PLEKHG4B: variants seen among roughly 807,000 people sequenced by gnomAD.
The protein encoded by PLEKHG4B is pleckstrin homology and RhoGEF domain containing G4B, also known as pleckstrin homology domain-containing family G member 4B.
In PLEKHG4B, 111 loss-of-function variants were observed where a neutral mutation model predicts 121.3. The ratio of observed to expected loss-of-function variants is 0.92; its 90% CI spans 0.78 to 1.07. The LOEUF (loss-of-function observed/expected upper bound fraction) is 1.07. PLEKHG4B is among the 50% of genes least tolerant of loss of function. The pLI, the probability that PLEKHG4B is intolerant of heterozygous loss-of-function variation, is 0.00. For synonymous variants in PLEKHG4B, 738 were observed against 725.0 expected, an observed-to-expected ratio of 1.02 and a Z score of -0.29; for missense variants, 1,831 against 1,757.8, an observed-to-expected ratio of 1.04 and a Z score of -0.74.
intron 2 of PLEKHG4B, among the ~76,000 whole-genome samples, chr5:138,767 C>G (rs1735058943): frequency 6.6e-6 from 1 of 152,164 alleles, no homozygotes; most frequent in Non-Finnish European, 1.5e-5. Context: ...GCTCTAGGCC[C>G]CAAGATGTTT....
rs533912413 is a variant in PLEKHG4B at position 164,945 on chromosome 5, G to A, written c.3476+1397G>A. Among the ~76,000 whole-genome samples, 18 of 63,596 alleles carry A rather than the reference G, an allele frequency of 2.8e-4. No homozygotes were observed. The East Asian group carries it at 4.5e-3, about 16-fold the overall frequency. The allele number at this position is 63,596 out of a possible 152,430, so 41.7% of individuals were successfully genotyped here. On this transcript the variant is annotated intron_variant, in intron 13 of 19. Transcript: ENST00000637938. ...GCTCACACTAATGCTGTGACGGGGC[G>A]GGGCTTACACACTAATGCTCTGACG...
At chr5:99,168 G>GTATA (rs1733722015) in intron 1 of PLEKHG4B, among the ~76,000 whole-genome samples, 1 of 45,118 alleles carries the variant, frequency 2.2e-5, no homozygotes, top group Admixed American at 3.3e-4. Context: ...AAAAAAAAAA[G>GTATA]TGTATATATA....
At chr5:95,118 G>C (rs937380800) in intron 1 of PLEKHG4B, among the ~76,000 whole-genome samples, 1 of 152,150 alleles carries the variant, frequency 6.6e-6, no homozygotes, top group Admixed American at 6.5e-5. Context: ...CTTTTTGATT[G>C]ATCTTACAAA....
intron 1 of PLEKHG4B, among the ~76,000 whole-genome samples, chr5:92,509 C>CCGGAGTAGG: frequency 1.6e-5 from 1 of 62,900 alleles, no homozygotes; most frequent in Non-Finnish European, 3.0e-5. Flanking sequence ...GGTGAAGGCG[C>CCGGAGTAGG]GAGCATCAAG....
chr5:172,849 A>C (rs1560952812), intron 16 of PLEKHG4B, 48 bp from the exon 17 acceptor site: 3 of 1,606,116 alleles, frequency 1.9e-6, no homozygotes, highest in Non-Finnish European at 2.6e-6. Context: ...GTGCCACCAC[A>C]GACGCCGGAT....
Position 170,159 on chromosome 5 carries a change from C to T in PLEKHG4B, c.3729+567C>T, listed in dbSNP as rs369107821. Among the ~76,000 whole-genome samples the T allele has an allele frequency of 4.6e-5, 7 of 152,330 alleles. No homozygotes were observed. In the East Asian group the frequency reaches 1.2e-3, roughly 25 times the overall value. ...TCTTTAATAAAGTTTTTAATTTACT[C>T]TGGAAAGAAACTGACAGGCTTTCAA... On this transcript the variant is annotated intron_variant, in intron 14 of 19. Transcript: ENST00000637938.
chr5:152,672 G>A (rs977817237), intron 7 of PLEKHG4B, among the ~76,000 whole-genome samples: 11 of 152,012 alleles, frequency 7.2e-5, no homozygotes, highest in African/African-American at 1.7e-4. Context: ...TGTCCTTAGG[G>A]TCACTGGCTC....
In PLEKHG4B at chr5:156,650, G is replaced by T. The variant is rs990099774; in HGVS notation, c.2349-123G>T. The stretch of plus-strand genomic sequence containing the variant: ...CGCCTCGGTTGTGGGCCTCCTCCTG[G>T]GGCTCCCGTTGCCTTGTGGCATGAG... On this transcript the variant is annotated intron_variant, in intron 10 of 19. Coordinates refer to ENST00000637938, the MANE Select transcript of PLEKHG4B (RefSeq NM_052909.5). This position sits in a 1 kb window ranked among gnomAD's most constrained non-coding sequence, Gnocchi z 4.4. 3 of 1,301,164 alleles carry T rather than the reference G, an allele frequency of 2.3e-6. No homozygotes were observed. The highest frequency in any genetic ancestry group is 2.7e-4 in the Middle Eastern group (1 of 3,640). The allele number at this position is 1,301,164 out of a possible 1,614,324, so 80.6% of individuals were successfully genotyped here. A position where few individuals can be genotyped will look rare whatever the true frequency, so the allele number is the denominator to read the frequency against.
Position 169,428 on chromosome 5 carries a change from C to G in PLEKHG4B, c.3565C>G (p.Pro1189Ala), listed in dbSNP as rs755375566. 3 of 1,614,194 alleles carry G rather than the reference C, an allele frequency of 1.9e-6. No individual in the cohort carries two copies. In the South Asian group the frequency reaches 3.3e-5, roughly 18 times the overall value. Residue 1189 changes from proline to alanine, a missense_variant, in exon 14 of 20, where the codon CCA (proline) becomes GCA (alanine). Pro to Ala is a conservative substitution (Grantham distance 27). Transcript: ENST00000637938. The stretch of plus-strand genomic sequence containing the variant: ...AGGATACGTCATTGACAACTATTTT[C>G]CAGAAATGGAAAGAATGGACTTGCC... ...CLGYVIDNYFPEMERMDLPQG... is the reference protein window; with the variant it reads ...CLGYVIDNYFAEMERMDLPQG...
chr5:143,571 G>C (rs1329674183), intron 5 of PLEKHG4B, 68 bp downstream of exon 5: 2 of 1,575,576 alleles, frequency 1.3e-6, no homozygotes, highest in Non-Finnish European at 1.7e-6. Context: ...GTGGCAAAGT[G>C]GGGGGCACGG....
rs373830004 is a variant in PLEKHG4B at position 152,508 on chromosome 5, G to A, written c.1992+909G>A. ...TTGTAGGCCTGAGCCACAGTACCTG[G>A]CCTAGTTCTTAAAAACTTTTTTCCT... On this transcript the variant is annotated intron_variant, in intron 7 of 19. Transcript: ENST00000637938. 3.3e-5 allele frequency among the ~76,000 whole-genome samples: 5 copies of A among 152,092 alleles called. No homozygotes were observed. In the East Asian group the frequency reaches 9.6e-4, roughly 29 times the overall value.
intron 18 of PLEKHG4B, among the ~76,000 whole-genome samples, chr5:180,692 C>T (rs567099219): frequency 2.6e-5 from 4 of 152,314 alleles, no homozygotes; most frequent in East Asian, 1.9e-4. Flanking sequence ...GAAGCTGTCC[C>T]GCGTCCACGT....
intron 1 of PLEKHG4B, among the ~76,000 whole-genome samples, chr5:104,505 ATTAAG>A (rs1733917385): frequency 6.6e-6 from 1 of 152,226 alleles, no homozygotes; most frequent in African/African-American, 2.4e-5. Context: ...TCCAATATTA[ATTAAG>A]TTGACAACCA....
At chr5:130,057 T>G (rs1014585773) in intron 2 of PLEKHG4B, among the ~76,000 whole-genome samples, 4 of 133,652 alleles carry the variant, frequency 3.0e-5, no homozygotes, top group Non-Finnish European at 4.6e-5. Flanking sequence ...TCAGAGTGAA[T>G]ATGAAGAGAG....
chr5:143,162 G>C lies in PLEKHG4B; in HGVS notation c.1593G>C (p.Trp531Cys), dbSNP rs1274787578. 1 of 1,612,080 alleles carries C rather than the reference G, an allele frequency of 6.2e-7. No individual in the cohort carries two copies. The highest frequency in any genetic ancestry group is 1.3e-5 in the African/African-American group (1 of 74,922). ...ARQPHPEQEG[W>C]PPGTGDFPSQ... ...AGCCACACCCCGAGCAAGAAGGGTG[G>C]CCACCCGGCACAGGAGACTTCCCCA... The change falls in exon 4 of 20, where the codon TGG becomes TGC. Residue 531 changes from tryptophan to cysteine, a missense_variant. Trp to Cys is a radical substitution (Grantham distance 215). Transcript: ENST00000637938.
intron 1 of PLEKHG4B, among the ~76,000 whole-genome samples, chr5:94,982 T>A (rs576153360): frequency 6.6e-6 from 1 of 152,342 alleles, no homozygotes; most frequent in African/African-American, 2.4e-5. Context: ...TCTTCACTTA[T>A]GTTACTGTCC....
In PLEKHG4B at chr5:173,038, G is replaced by C. The variant is rs750021350; in HGVS notation, c.4192G>C (p.Asp1398His). 86 of 1,613,970 alleles carry C rather than the reference G, an allele frequency of 5.3e-5. No individual in the cohort carries two copies. The East Asian group carries it at 1.9e-3, about 36-fold the overall frequency. The change falls in exon 17 of 20, where the codon GAC becomes CAC. Residue 1398 changes from aspartate (D) to histidine (H), a missense_variant. Transcript: ENST00000637938. ...SKTQKVEGSH[D>H]VYLYKQSFKT... ...GACCCAGAAGGTGGAGGGCAGCCACGACGTCTACCTGTACAAGCAGTCCTT... is the reference window on the plus strand; with the variant it reads ...GACCCAGAAGGTGGAGGGCAGCCACCACGTCTACCTGTACAAGCAGTCCTT...
Position 173,073 on chromosome 5 carries a change from ACCCG to A in PLEKHG4B, c.4221+11_4221+14del. On this transcript the variant is annotated splice_region_variant and intron_variant, in intron 17 of 19. Transcript: ENST00000637938. ...TGTACAAGCAGTCCTTCAAGGTAGC[ACCCG>A]CCCGGTCCGATTGGGTGCAGGCCGA... is the stretch of plus-strand genomic sequence containing the variant. 1 of 1,613,360 alleles carries A rather than the reference ACCCG, an allele frequency of 6.2e-7. No individual in the cohort carries two copies. The highest frequency in any genetic ancestry group is 8.5e-7 in the Non-Finnish European group (1 of 1,179,536).
At chr5:164,765 C>CA (rs1324025302) in intron 13 of PLEKHG4B, among the ~76,000 whole-genome samples, 1 of 100,332 alleles carries the variant, frequency 1.0e-5, no homozygotes, top group African/African-American at 4.8e-5. Context: ...AATCCTCTGA[C>CA]GGGGCGGAGC....
Sources: allele counts gnomAD v4.1 joint callset (sites outside exome capture counted in the v4.1 genomes callset), GRCh38; gene constraint gnomAD v4.1.1; non-coding constraint Gnocchi (gnomAD v3.1); transcripts MANE v1.5; gene names NCBI Gene and HGNC (gene_info 2026-07-23, HGNC 2026-07-21).